ATP8A2: variants seen among roughly 807,000 people sequenced by gnomAD.
The protein encoded by ATP8A2 is ATPase phospholipid transporting 8A2.
A neutral mutation model predicts 165.6 loss-of-function variants in ATP8A2; 100 were observed. The ratio of observed to expected loss-of-function variants is 0.60; its 90% CI spans 0.51 to 0.71. The LOEUF is 0.71. ATP8A2 is among the 30% of genes least tolerant of loss of function. The pLI, the probability that ATP8A2 is intolerant of heterozygous loss-of-function variation, is 0.00. For synonymous variants in ATP8A2, 543 were observed against 548.8 expected, an observed-to-expected ratio of 0.99 and a Z score of 0.15; for missense variants, 1,227 against 1,479.5, an observed-to-expected ratio of 0.83 and a Z score of 2.80.
intron 1 of ATP8A2, among the ~76,000 whole-genome samples, chr13:25,399,460 G>A (rs1307583119): frequency 8.1e-6 from 1 of 123,634 alleles, no homozygotes; most frequent in African/African-American, 3.1e-5. Context: ...GTGCAGTGGC[G>A]GGATCTCGGC....
intron 24 of ATP8A2, among the ~76,000 whole-genome samples, chr13:25,683,053 G>T (rs1292760261): frequency 6.6e-6 from 1 of 152,176 alleles, no homozygotes; most frequent in Non-Finnish European, 1.5e-5. Flanking sequence ...GCATTAATTG[G>T]ATCTCTAAGT....
chr13:25,396,078 G>A (rs7985996), intron 1 of ATP8A2, among the ~76,000 whole-genome samples: 45,695 of 152,020 alleles, frequency 0.3, 8,067 homozygotes, highest in African/African-American at 0.49. Flanking sequence ...TCCTGACCTC[G>A]TGGTCTGCCC....
intron 27 of ATP8A2, among the ~76,000 whole-genome samples, chr13:25,821,672 C>T (rs189294858): frequency 6.6e-6 from 1 of 152,134 alleles, no homozygotes; most frequent in South Asian, 2.1e-4. Context: ...AAACTTATTT[C>T]TTTAGTCTAG....
At chr13:25,790,988 C>G (rs1385571131) in intron 27 of ATP8A2, among the ~76,000 whole-genome samples, 1 of 152,074 alleles carries the variant, frequency 6.6e-6, no homozygotes, top group African/African-American at 2.4e-5. Flanking sequence ...TCCCAAAGAC[C>G]TAAAAACAGA....
intron 27 of ATP8A2, among the ~76,000 whole-genome samples, chr13:25,826,455 A>G (rs1181631051): frequency 4.6e-5 from 7 of 152,332 alleles, no homozygotes; most frequent in Non-Finnish European, 1.0e-4. Flanking sequence ...ACCTGTTTGT[A>G]CCAAGTATCA....
chr13:25,507,368 C>T (rs114595966), intron 2 of ATP8A2, among the ~76,000 whole-genome samples: 8,974 of 151,902 alleles, frequency 0.059, 335 homozygotes, highest in South Asian at 0.13. Context: ...CAGGTTCTAG[C>T]AATTCTCCTG....
In ATP8A2 at chr13:25,627,309, G is replaced by T. The variant is rs1446512682; in HGVS notation, c.2211+37610G>T. On this transcript the variant is annotated intron_variant, in intron 24 of 36. Coordinates refer to ENST00000381655, the MANE Select transcript of ATP8A2 (RefSeq NM_016529.6). Reference sequence around the variant, plus strand: ...ACAAGGAAAGACCATGCCATGCAGGGCCCTGTAGAACATGGAAGGAAGCAG... The same window carrying T: ...ACAAGGAAAGACCATGCCATGCAGGTCCCTGTAGAACATGGAAGGAAGCAG... Among the ~76,000 whole-genome samples, 3 of 152,134 alleles carry T rather than the reference G, an allele frequency of 2.0e-5. No individual in the cohort carries two copies. In the East Asian group the frequency reaches 5.8e-4, roughly 29 times the overall value.
intron 26 of ATP8A2, among the ~76,000 whole-genome samples, chr13:25,770,379 T>A (rs2044593416): frequency 6.6e-6 from 1 of 152,122 alleles, no homozygotes; most frequent in Admixed American, 6.6e-5. Context: ...TCTAATCTTG[T>A]GGCTCCCCAC....
intron 24 of ATP8A2, among the ~76,000 whole-genome samples, chr13:25,637,851 A>G (rs2041411688): frequency 6.6e-6 from 1 of 152,206 alleles, no homozygotes; most frequent in Non-Finnish European, 1.5e-5. Flanking sequence ...ACTGGGAGGC[A>G]TCCCCAAGTA....
intron 1 of ATP8A2, among the ~76,000 whole-genome samples, chr13:25,432,892 C>T (rs1014325017): frequency 6.6e-6 from 1 of 152,114 alleles, no homozygotes; most frequent in Non-Finnish European, 1.5e-5. Flanking sequence ...GTTTGTGACC[C>T]GTGCTTTCCG....
intron 1 of ATP8A2, among the ~76,000 whole-genome samples, chr13:25,408,636 A>T (rs536919764): frequency 2.0e-5 from 3 of 150,838 alleles, no homozygotes; most frequent in African/African-American, 7.3e-5. Flanking sequence ...TGTCTTATTA[A>T]TGAGTTCTAT....
intron 24 of ATP8A2, among the ~76,000 whole-genome samples, chr13:25,619,811 G>T (rs1257672916): frequency 2.6e-5 from 4 of 152,196 alleles, no homozygotes; most frequent in African/African-American, 9.7e-5. Context: ...ACCACATATG[G>T]TCTCTATTGC....
At chr13:25,786,754 G>GATTTTTT (rs58430501) in intron 27 of ATP8A2, among the ~76,000 whole-genome samples, 2 of 134,644 alleles carry the variant, frequency 1.5e-5, no homozygotes. Flanking sequence ...ACAATTCTAT[G>GATTTTTT]TTTTTTTTTT....
chr13:25,644,758 A>AT (rs1228293998), intron 24 of ATP8A2, among the ~76,000 whole-genome samples: 1 of 151,888 alleles, frequency 6.6e-6, no homozygotes, highest in Non-Finnish European at 1.5e-5. Flanking sequence ...TAGATTTTCT[A>AT]TTTTTCGTGA....
intron 27 of ATP8A2, among the ~76,000 whole-genome samples, chr13:25,801,507 C>G (rs149014147): frequency 1.5e-3 from 227 of 152,192 alleles, no homozygotes; most frequent in African/African-American, 5.3e-3. Context: ...GTGGCTCTCT[C>G]CTGAAGATGG....
chr13:25,557,858 A>C (rs796917320), intron 13 of ATP8A2, among the ~76,000 whole-genome samples: 32 of 152,302 alleles, frequency 2.1e-4, no homozygotes, highest in African/African-American at 7.0e-4. Flanking sequence ...TTAGTAGGCA[A>C]AGTGATAGCA....
At chr13:26,007,183 T>C (rs1178704869) in intron 35 of ATP8A2, among the ~76,000 whole-genome samples, 10 of 152,136 alleles carry the variant, frequency 6.6e-5, no homozygotes, top group African/African-American at 2.4e-4. Flanking sequence ...AAATGGTAAA[T>C]GTTATCCTTT....
chr13:25,626,976 A>G (rs960432929), intron 24 of ATP8A2, among the ~76,000 whole-genome samples: 5 of 152,128 alleles, frequency 3.3e-5, no homozygotes, highest in African/African-American at 1.2e-4. Flanking sequence ...AACTGCCCCT[A>G]TGGTTTAATT....
chr13:25,636,032 G>T (rs1015928969), intron 24 of ATP8A2, among the ~76,000 whole-genome samples: 5 of 152,156 alleles, frequency 3.3e-5, no homozygotes, highest in Admixed American at 1.3e-4. Flanking sequence ...GAGTATGGGG[G>T]GAAGAGGTGG....
Sources: allele counts gnomAD v4.1 joint callset (sites outside exome capture counted in the v4.1 genomes callset), GRCh38; gene constraint gnomAD v4.1.1; transcripts MANE v1.5; gene names NCBI Gene and HGNC (gene_info 2026-07-23, HGNC 2026-07-21).